Variants in DNM3 observed in about 807,000 individuals in gnomAD.
The protein encoded by DNM3 is dynamin 3, also known as dynamin-3.
A neutral mutation model predicts 101.6 loss-of-function variants in DNM3; 47 were observed. The ratio of observed to expected loss-of-function variants is 0.46; its 90% CI spans 0.37 to 0.59. The LOEUF is 0.59. Among genes scored for constraint, DNM3 ranks in the 20% least tolerant of loss-of-function variants. The probability of loss-of-function intolerance (pLI) is 0.00; values close to 1 mark genes in which losing one functional copy is unlikely to be tolerated. For synonymous variants in DNM3, 385 were observed against 387.9 expected (o/e 0.99, Z 0.09); for missense variants, 849 against 1,085.7 (o/e 0.78, Z 3.06).
At chr1:172,026,421 G>A (rs1211746037) in intron 4 of DNM3, among the ~76,000 whole-genome samples, 1 of 152,106 alleles carries the variant, frequency 6.6e-6, no homozygotes, top group East Asian at 1.9e-4. Flanking sequence ...AACCTAGCAA[G>A]ACAGGCCAAC....
intron 17 of DNM3, among the ~76,000 whole-genome samples, chr1:172,326,254 C>T (rs1202038546): frequency 1.3e-5 from 2 of 151,840 alleles, no homozygotes; most frequent in East Asian, 3.9e-4. Flanking sequence ...AAAAATTTTC[C>T]TTCCAGGCCT....
intron 14 of DNM3, among the ~76,000 whole-genome samples, chr1:172,244,850 A>C (rs1465502290): frequency 6.6e-6 from 1 of 152,220 alleles, no homozygotes; most frequent in Non-Finnish European, 1.5e-5. Flanking sequence ...CCATCCCATT[A>C]CTGGGTATAT....
chr1:172,071,109 A>ATATATATATATATATC (rs2052146540), intron 11 of DNM3, among the ~76,000 whole-genome samples: 1 of 134,656 alleles, frequency 7.4e-6, no homozygotes, highest in Admixed American at 7.3e-5. Flanking sequence ...ATATATATAT[A>ATATATATATATATATC]TATATATATA....
At chr1:171,907,895 A>G (rs781237879) in intron 1 of DNM3, among the ~76,000 whole-genome samples, 2 of 152,250 alleles carry the variant, frequency 1.3e-5, no homozygotes, top group Non-Finnish European at 2.9e-5. Flanking sequence ...GTTGACATAC[A>G]GAATTGGAAT....
At chr1:171,960,424 G>A (rs552862177) in intron 2 of DNM3, among the ~76,000 whole-genome samples, 222 of 152,306 alleles carry the variant, frequency 1.5e-3, no homozygotes, top group African/African-American at 5.0e-3. Context: ...GTGTGATTAG[G>A]TAAAGAGAGG....
intron 17 of DNM3, among the ~76,000 whole-genome samples, chr1:172,352,234 G>T (rs1015220106): frequency 2.0e-5 from 3 of 152,284 alleles, no homozygotes; most frequent in African/African-American, 7.2e-5. Context: ...GATTTGCAAG[G>T]ATTTGCCTAT....
intron 17 of DNM3, among the ~76,000 whole-genome samples, chr1:172,355,471 A>G (rs772238754): frequency 1.3e-5 from 2 of 152,148 alleles, no homozygotes; most frequent in Non-Finnish European, 2.9e-5. Flanking sequence ...ACAGCTGGAG[A>G]GAGACTACAT....
chr1:171,882,661 C>T (rs1196173441), intron 1 of DNM3, among the ~76,000 whole-genome samples: 3 of 151,978 alleles, frequency 2.0e-5, no homozygotes, highest in African/African-American at 4.8e-5. Flanking sequence ...TACATATTAC[C>T]TTTAGTTGTC....
At chr1:172,061,757 G>A (rs945951346) in intron 10 of DNM3, among the ~76,000 whole-genome samples, 3 of 151,032 alleles carry the variant, frequency 2.0e-5, no homozygotes, top group Non-Finnish European at 1.5e-5. Flanking sequence ...TAGATGACAA[G>A]TTAGTGGGTG....
chr1:172,363,751 A>G (rs2067867035), intron 17 of DNM3, among the ~76,000 whole-genome samples: 1 of 151,806 alleles, frequency 6.6e-6, no homozygotes, highest in African/African-American at 2.4e-5. Context: ...AGTTCTCCAC[A>G]ATCTGACCAC....
intron 13 of DNM3, among the ~76,000 whole-genome samples, chr1:172,107,996 A>G (rs1483709083): frequency 6.6e-6 from 1 of 152,118 alleles, no homozygotes; most frequent in Non-Finnish European, 1.5e-5. Context: ...GCAGTCAGGC[A>G]GGAGGTACCC....
intron 15 of DNM3, among the ~76,000 whole-genome samples, chr1:172,292,599 C>T (rs1171798548): frequency 1.4e-5 from 1 of 70,042 alleles, no homozygotes; most frequent in African/African-American, 4.9e-5. Context: ...GAATAGAAGA[C>T]TTCACACACA....
intron 13 of DNM3, chr1:172,093,625 AGAG>A (rs2054059331): frequency 7.5e-7 from 1 of 1,332,734 alleles, no homozygotes. Flanking sequence ...TGAAAGGAGA[AGAG>A]GTAATAACAG....
intron 15 of DNM3, among the ~76,000 whole-genome samples, chr1:172,264,921 A>T (rs1431661393): frequency 1.3e-5 from 2 of 152,232 alleles, no homozygotes; most frequent in African/African-American, 2.4e-5. Flanking sequence ...TGGAATAGGA[A>T]TTCTGCCTAA....
intron 20 of DNM3, chr1:172,394,426 A>C (rs1258232316): frequency 6.6e-6 from 1 of 152,242 alleles, no homozygotes; most frequent in Non-Finnish European, 1.5e-5. Context: ...AGAGGGTAAA[A>C]GGAAAAGGAA....
intron 10 of DNM3, among the ~76,000 whole-genome samples, chr1:172,049,071 G>A (rs2050018975): frequency 6.6e-6 from 1 of 152,184 alleles, no homozygotes; most frequent in South Asian, 2.1e-4. Context: ...GTGCATGGAT[G>A]AGGGTAATTG....
At chr1:172,255,285 T>C (rs1044429806) in intron 15 of DNM3, among the ~76,000 whole-genome samples, 3 of 152,084 alleles carry the variant, frequency 2.0e-5, no homozygotes, top group Admixed American at 6.6e-5. Context: ...AGAATAGTAG[T>C]GAGTCTGCCA....
At chr1:171,904,316 A>G (rs879587053) in intron 1 of DNM3, among the ~76,000 whole-genome samples, 4 of 152,180 alleles carry the variant, frequency 2.6e-5, no homozygotes, top group Non-Finnish European at 5.9e-5. Flanking sequence ...TCAAAAGAAA[A>G]AATAAAAATT....
chr1:171,849,164 CT>C (rs1026890936), intron 1 of DNM3, among the ~76,000 whole-genome samples: 5 of 152,104 alleles, frequency 3.3e-5, no homozygotes, highest in Non-Finnish European at 7.4e-5. Context: ...GTTTATGGTG[CT>C]TATTTTTTTA....
Sources: allele counts gnomAD v4.1 joint callset (sites outside exome capture counted in the v4.1 genomes callset), GRCh38; gene constraint gnomAD v4.1.1; transcripts MANE v1.5; gene names NCBI Gene and HGNC (gene_info 2026-07-23, HGNC 2026-07-21).